The following FOXA3 variants were observed in gnomAD, a reference collection of about 807,000 sequenced individuals.
FOXA3 encodes the protein hepatocyte nuclear factor 3-gamma.
Under a neutral mutation model 16.9 loss-of-function variants are expected in FOXA3, and 11 were observed. That is an observed-to-expected ratio of 0.65 (90% CI 0.41 to 1.08). The LOEUF is 1.08. FOXA3 is among the 50% of genes least tolerant of loss of function. The pLI, the probability that FOXA3 is intolerant of heterozygous loss-of-function variation, is 0.00. For missense variants in FOXA3, 423 were observed against 470.1 expected, an observed-to-expected ratio of 0.90 and a Z score of 0.93; for synonymous variants, 217 against 203.3, an observed-to-expected ratio of 1.07 and a Z score of -0.57.
chr19:45,867,414 GAGATAGATAGATAGAT>G (rs10682335), intron 1 of FOXA3, among the ~76,000 whole-genome samples: 22 of 143,622 alleles, frequency 1.5e-4, no homozygotes, highest in Admixed American at 6.3e-4. Flanking sequence ...TGAAGGGAGG[GAGATAGATAGATAGAT>G]AGATAGATAG....
intron 1 of FOXA3, among the ~76,000 whole-genome samples, chr19:45,868,584 A>T (rs934453690): frequency 1.3e-5 from 2 of 151,738 alleles, no homozygotes; most frequent in Non-Finnish European, 2.9e-5. Context: ...TCTTAAAAAA[A>T]AAAAAAAAAA....
Position 45,872,088 on chromosome 19 carries a change from T to C in FOXA3, c.83T>C (p.Val28Ala). 1 of 1,610,158 alleles carries C rather than the reference T, an allele frequency of 6.2e-7. No homozygotes were observed. ...TCTTTCCCCTAGGTCTACTCGCCGG[T>C]GACCCCAGTGCCCACCATGGCCCCC... is the stretch of plus-strand genomic sequence containing the variant. Reference protein sequence around the residue: ...YPEAGEVYSPVTPVPTMAPLN... With the variant: ...YPEAGEVYSPATPVPTMAPLN... Residue 28 changes from valine to alanine, a missense_variant, in exon 2 of 2, where the codon GTG (valine) becomes GCG (alanine). Val to Ala is a moderately conservative substitution (Grantham distance 64). Transcript: ENST00000302177. This position sits in a 1 kb window ranked among gnomAD's most constrained non-coding sequence, Gnocchi z 4.5.
At position 45,873,440 on chromosome 19, in the gene FOXA3, C is replaced by CCTCCG; in HGVS notation, c.*382_*383insCTCCG. On this transcript the variant is annotated 3_prime_UTR_variant, in exon 2 of 2. Coordinates refer to ENST00000302177, the MANE Select transcript of FOXA3 (RefSeq NM_004497.3). Reference sequence around the variant, plus strand: ...CACTTCTTTTTTGGTGTACTTGGCACAGTAGGTGCCAAGTTGGCCACCATT... The same window carrying CCTCCG: ...CACTTCTTTTTTGGTGTACTTGGCACCTCCGAGTAGGTGCCAAGTTGGCCACCATT... The CCTCCG allele has an allele frequency of 3.6e-6, 1 of 277,838 alleles. No homozygotes were observed. Among genetic ancestry groups the CCTCCG allele is most frequent in the Admixed American group, 4.8e-5 (1 of 20,930 alleles). The allele number at this position is 277,838 out of a possible 1,614,324, so 17.2% of individuals were successfully genotyped here. A position where few individuals can be genotyped will look rare whatever the true frequency, so the allele number is the denominator to read the frequency against.
At chr19:45,867,213 G>C (rs1336010241) in intron 1 of FOXA3, among the ~76,000 whole-genome samples, 1 of 152,032 alleles carries the variant, frequency 6.6e-6, no homozygotes, top group East Asian at 1.9e-4. Flanking sequence ...GCAGAAATGG[G>C]GGGTGGAGGT....
chr19:45,872,847 C>G lies in FOXA3; in HGVS notation c.842C>G (p.Pro281Arg). 1 of 1,613,748 alleles carries G rather than the reference C, an allele frequency of 6.2e-7. No individual in the cohort carries two copies. Among genetic ancestry groups the G allele is most frequent in the Non-Finnish European group, 8.5e-7 (1 of 1,180,020 alleles). The change falls in exon 2 of 2, where the codon CCC becomes CGC. Residue 281 changes from proline (P) to arginine (R), a missense_variant. Physicochemically the swap from Pro to Arg is moderately radical, Grantham distance 103. This residue lies in a region of FOXA3 where 168 missense variants were observed against 179.3 expected (regional missense o/e 0.94). Coordinates refer to ENST00000302177, the MANE Select transcript of FOXA3 (RefSeq NM_004497.3). The surrounding 1 kb of genome is among the most constrained non-coding windows in gnomAD (Gnocchi z 4.5). ...LDCGSPASST[P>R]YFTGLELPGE... ...TGTGGCTCACCCGCTTCCTCCACAC[C>G]CTATTTCACTGGCCTGGAGCTCCCA...
At position 45,864,479 on chromosome 19, in the gene FOXA3, A is replaced by G. The variant is rs1216924406; in HGVS notation, c.23A>G (p.Glu8Gly). MLGSVKM[E>G]AHDLAEWSYY... is the part of the protein sequence containing the mutation. ...GGGATGCTGGGCTCAGTGAAGATGG[A>G]GGCCCATGACCTGGCCGAGTGGAGC... Residue 8 changes from glutamate to glycine, a missense_variant, in exon 1 of 2, where the codon GAG (glutamate) becomes GGG (glycine). Physicochemically the swap from Glu to Gly is moderately conservative, Grantham distance 98. Transcript: ENST00000302177. 1 of 1,529,702 alleles carries G rather than the reference A, an allele frequency of 6.5e-7. No homozygotes were observed. The highest frequency in any genetic ancestry group is 8.8e-7 in the Non-Finnish European group (1 of 1,134,834). The allele number at this position is 1,529,702 out of a possible 1,614,324, so 94.8% of individuals were successfully genotyped here.
At chr19:45,864,727 G>A (rs1181271182) in intron 1 of FOXA3, among the ~76,000 whole-genome samples, 1 of 152,162 alleles carries the variant, frequency 6.6e-6, no homozygotes, top group African/African-American at 2.4e-5. Context: ...GGGCAGCCTC[G>A]CCGCGGCCAG....
chr19:45,868,630 G>T (rs1972107625), intron 1 of FOXA3, among the ~76,000 whole-genome samples: 1 of 150,182 alleles, frequency 6.7e-6, no homozygotes, highest in African/African-American at 2.4e-5. Context: ...GCGGTATCCA[G>T]TTAACTCACA....
Position 45,872,303 on chromosome 19 carries a change from G to A in FOXA3, c.298G>A (p.Val100Met). 6.2e-7 allele frequency: 1 copy of A among 1,614,002 alleles called. No individual in the cohort carries two copies. ...GTACGGGGCCCCGGGTCCTGGGCTG[G>A]TGCACGGGAAGGAGATGCCGAAGGG... ...SGYGAPGPGL[V>M]HGKEMPKGYR... Residue 100 changes from valine to methionine, a missense_variant, in exon 2 of 2, where the codon GTG (valine) becomes ATG (methionine). This residue lies in a region of FOXA3 where 170 missense variants were observed against 153.9 expected (regional missense o/e 1.10). Coordinates refer to ENST00000302177, the MANE Select transcript of FOXA3 (RefSeq NM_004497.3). The surrounding 1 kb of genome is among the most constrained non-coding windows in gnomAD (Gnocchi z 4.5).
chr19:45,872,812 G>T lies in FOXA3; in HGVS notation c.807G>T (p.Gly269=), dbSNP rs746963773. The T allele has an allele frequency of 6.2e-7, 1 of 1,612,414 alleles. No homozygotes were observed. Among genetic ancestry groups the T allele is most frequent in the South Asian group, 1.1e-5 (1 of 91,082 alleles). The change falls in exon 2 of 2, where the codon GGG becomes GGT. Residue 269 remains glycine, a synonymous_variant. Transcript: ENST00000302177. The surrounding 1 kb of genome is among the most constrained non-coding windows in gnomAD (Gnocchi z 4.5). ...EPEAQGGEDV[G]ALDCGSPASS... is the part of the protein sequence containing the mutation. ...AGGCCCAGGGCGGGGAAGATGTGGGGGCTCTGGACTGTGGCTCACCCGCTT... is the reference window on the plus strand; with the variant it reads ...AGGCCCAGGGCGGGGAAGATGTGGGTGCTCTGGACTGTGGCTCACCCGCTT...
At chr19:45,871,518 A>G (rs1481089160) in intron 1 of FOXA3, among the ~76,000 whole-genome samples, 1 of 150,310 alleles carries the variant, frequency 6.7e-6, no homozygotes, top group Non-Finnish European at 1.5e-5. Flanking sequence ...CGAGGTCAGG[A>G]GTTCAAGACC....
At chr19:45,868,584 A>G (rs934453690) in intron 1 of FOXA3, among the ~76,000 whole-genome samples, 1 of 151,738 alleles carries the variant, frequency 6.6e-6, no homozygotes, top group Non-Finnish European at 1.5e-5. Context: ...TCTTAAAAAA[A>G]AAAAAAAAAA....
chr19:45,865,230 G>T (rs1007184392), intron 1 of FOXA3, among the ~76,000 whole-genome samples: 1 of 151,980 alleles, frequency 6.6e-6, no homozygotes, highest in Non-Finnish European at 1.5e-5. Context: ...ATGACCCTCC[G>T]CAGGGACTCC....
rs767307934 is a variant in FOXA3 at position 45,872,670 on chromosome 19, G to A, written c.665G>A (p.Gly222Glu). The part of the protein sequence containing the change: ...RFKLEEKVKK[G>E]GSGAATTTRN... ...AAGCTGGAGGAGAAGGTGAAAAAAGGGGGCAGCGGGGCTGCCACCACCACC... is the reference window on the plus strand; with the variant it reads ...AAGCTGGAGGAGAAGGTGAAAAAAGAGGGCAGCGGGGCTGCCACCACCACC... The change falls in exon 2 of 2, where the codon GGG (glycine) becomes GAG (glutamate). Residue 222 changes from glycine to glutamate, a missense_variant. Physicochemically the swap from Gly to Glu is moderately conservative, Grantham distance 98. This residue lies in a region of FOXA3 where 168 missense variants were observed against 179.3 expected (regional missense o/e 0.94). Coordinates refer to ENST00000302177, the MANE Select transcript of FOXA3 (RefSeq NM_004497.3). The surrounding 1 kb of genome is among the most constrained non-coding windows in gnomAD (Gnocchi z 4.5). 1.2e-6 allele frequency: 2 copies of A among 1,611,790 alleles called. No individual in the cohort carries two copies. Among genetic ancestry groups the A allele is most frequent in the African/African-American group, 1.3e-5 (1 of 74,864 alleles).
rs1337978878 is a variant in FOXA3, at chr19:45,872,822, T to C, written c.817T>C (p.Cys273Arg). The stretch of plus-strand genomic sequence containing the variant: ...CGGGGAAGATGTGGGGGCTCTGGAC[T>C]GTGGCTCACCCGCTTCCTCCACACC... ...QGGEDVGALD[C>R]GSPASSTPYF... Residue 273 changes from cysteine to arginine, a missense_variant, in exon 2 of 2, where the codon TGT becomes CGT. By Grantham distance (180) the Cys-to-Arg change is radical. This residue lies in a region of FOXA3 where 168 missense variants were observed against 179.3 expected (regional missense o/e 0.94). Transcript: ENST00000302177. The surrounding 1 kb of genome is among the most constrained non-coding windows in gnomAD (Gnocchi z 4.5). 1.2e-6 allele frequency: 2 copies of C among 1,612,860 alleles called. No individual in the cohort carries two copies. Among genetic ancestry groups the C allele is most frequent in the South Asian group, 2.2e-5 (2 of 91,088 alleles).
intron 1 of FOXA3, among the ~76,000 whole-genome samples, chr19:45,865,178 T>C (rs1411112731): frequency 3.3e-5 from 5 of 151,892 alleles, no homozygotes; most frequent in South Asian, 4.2e-4. Flanking sequence ...GCCATCAGCA[T>C]TGGCAGGAGA....
chr19:45,864,661 G>A (rs572729441), intron 1 of FOXA3, 136 bp downstream of exon 1: 5 of 637,634 alleles, frequency 7.8e-6, no homozygotes, highest in East Asian at 6.9e-5. Flanking sequence ...TGGGAACACG[G>A]AGACCAGGTG....
rs1966908859 is a variant in FOXA3 at position 45,872,011 on chromosome 19, C to T, written c.70-64C>T. On this transcript the variant is annotated intron_variant, in intron 1 of 1. Coordinates refer to ENST00000302177, the MANE Select transcript of FOXA3 (RefSeq NM_004497.3). This position sits in a 1 kb window ranked among gnomAD's most constrained non-coding sequence, Gnocchi z 4.5. ...CAGACAGACGGACACTCAGTGGGTC[C>T]TGGGATCCTTTGCTGACCAGCAGAG... 4 of 1,530,370 alleles carry T rather than the reference C, an allele frequency of 2.6e-6. No homozygotes were observed. In the East Asian group the frequency reaches 9.0e-5, roughly 34 times the overall value. The allele number at this position is 1,530,370 out of a possible 1,614,324, so 94.8% of individuals were successfully genotyped here.
At chr19:45,867,904 A>G (rs568563812) in intron 1 of FOXA3, among the ~76,000 whole-genome samples, 1 of 149,968 alleles carries the variant, frequency 6.7e-6, no homozygotes, top group South Asian at 2.1e-4. Flanking sequence ...GGAGAAAGAG[A>G]TGGAAGGATG....
Sources: gnomAD v4.1 joint callset for allele counts (sites outside exome capture counted in the v4.1 genomes callset) on GRCh38, gnomAD v4.1.1 for gene constraint, gnomAD v4.1.1 regional missense constraint, Gnocchi (gnomAD v3.1) non-coding constraint, MANE v1.5 for transcripts, NCBI Gene and HGNC (gene_info 2026-07-23, HGNC 2026-07-21) for gene names.